The following ENOX1 variants were observed in gnomAD, a reference collection of about 807,000 sequenced individuals.
ENOX1 encodes ecto-NOX disulfide-thiol exchanger 1, also known as candidate growth-related and time keeping constitutive hydroquinone (NADH) oxidase.
In ENOX1, 42 loss-of-function variants were observed where a neutral mutation model predicts 82.5. That is an observed-to-expected ratio of 0.51 (90% CI 0.40 to 0.66). The LOEUF is 0.66. Among genes scored for constraint, ENOX1 ranks in the 30% least tolerant of loss-of-function variants. The pLI is 0.00. For synonymous variants in ENOX1, 271 were observed against 282.2 expected, an observed-to-expected ratio of 0.96 and a Z score of 0.40; for missense variants, 608 against 811.6, an observed-to-expected ratio of 0.75 and a Z score of 3.05.
chr13:43,462,306 A>G (rs1183843281), intron 3 of ENOX1, among the ~76,000 whole-genome samples: 4 of 152,220 alleles, frequency 2.6e-5, no homozygotes, highest in Non-Finnish European at 4.4e-5. Context: ...GTCTTTGCCT[A>G]CGAAAATAGT....
At chr13:43,666,358 C>T (rs960918258) in intron 2 of ENOX1, among the ~76,000 whole-genome samples, 3 of 152,140 alleles carry the variant, frequency 2.0e-5, no homozygotes, top group Non-Finnish European at 4.4e-5. Context: ...ATGAATGTGA[C>T]ATTTTTAGAA....
chr13:43,317,677 A>G lies in ENOX1; in HGVS notation c.1261+4707T>C, dbSNP rs373321025. Among the ~76,000 whole-genome samples the G allele has an allele frequency of 4.6e-5, 7 of 151,446 alleles. No homozygotes were observed. In the East Asian group the frequency reaches 9.6e-4, roughly 21 times the overall value. On this transcript the variant is annotated intron_variant, in intron 11 of 16. Coordinates refer to ENST00000690772, the MANE Select transcript of ENOX1 (RefSeq NM_001347969.2). The stretch of plus-strand genomic sequence containing the variant: ...TTGATTTAGTGGCTGAAAGATTTGG[A>G]AAGTCCTTGTTTGAATTCTTAGTGA...
chr13:43,328,929 T>C (rs1318192803), intron 9 of ENOX1, among the ~76,000 whole-genome samples: 3 of 152,234 alleles, frequency 2.0e-5, no homozygotes, highest in African/African-American at 4.8e-5. Context: ...GATGCAATCA[T>C]AGTCTCGGAA....
chr13:43,224,009 G>T, intron 16 of ENOX1, 44 bp downstream of exon 16: 1 of 1,469,778 alleles, frequency 6.8e-7, no homozygotes, highest in Non-Finnish European at 9.5e-7. Flanking sequence ...CAATCAACAT[G>T]CTAAATTTGA....
At chr13:43,556,418 T>TTAA (rs2079437997) in intron 2 of ENOX1, among the ~76,000 whole-genome samples, 1 of 152,210 alleles carries the variant, frequency 6.6e-6, no homozygotes, top group Admixed American at 6.5e-5. Context: ...CAGCTTTTGC[T>TTAA]TTGCAGTCAT....
intron 2 of ENOX1, among the ~76,000 whole-genome samples, chr13:43,528,325 A>T (rs1482875219): frequency 6.6e-6 from 1 of 152,124 alleles, no homozygotes; most frequent in Admixed American, 6.6e-5. Flanking sequence ...TACCCTTTGT[A>T]TACATAGGAC....
intron 9 of ENOX1, among the ~76,000 whole-genome samples, chr13:43,335,668 A>C (rs1386901937): frequency 6.7e-6 from 1 of 150,194 alleles, no homozygotes; most frequent in Non-Finnish European, 1.5e-5. Context: ...GTAAGACTTG[A>C]TTTCTATCTT....
intron 12 of ENOX1, among the ~76,000 whole-genome samples, chr13:43,279,947 C>T (rs1297904074): frequency 6.6e-6 from 1 of 152,236 alleles, no homozygotes; most frequent in Non-Finnish European, 1.5e-5. Context: ...AAATACCTTG[C>T]TGAAGTAGGA....
chr13:43,333,113 AT>A (rs1219579459), intron 9 of ENOX1, among the ~76,000 whole-genome samples: 2 of 152,214 alleles, frequency 1.3e-5, no homozygotes, highest in Non-Finnish European at 2.9e-5. Flanking sequence ...ATTCATATGT[AT>A]GTTATCAATA....
chr13:43,625,973 A>G (rs1029544466), intron 2 of ENOX1, among the ~76,000 whole-genome samples: 38 of 151,860 alleles, frequency 2.5e-4, no homozygotes, highest in African/African-American at 8.9e-4. Context: ...TAGGGCCTGG[A>G]TATTTCTTTG....
chr13:43,688,641 G>A lies in ENOX1; in HGVS notation c.-284-21097C>T, dbSNP rs111894034. Among the ~76,000 whole-genome samples, 556 of 152,306 alleles carry A rather than the reference G, an allele frequency of 3.7e-3. 4 individuals carry two copies. Among genetic ancestry groups the A allele is most frequent in the African/African-American group, 0.012 (497 of 41,574 alleles). ...CAAATTCGACCCAAGGCTAGGGCAT[G>A]CCAACTCCTGGATTAAATGAGGAGT... is the stretch of plus-strand genomic sequence containing the variant. On this transcript the variant is annotated intron_variant, in intron 1 of 16. Coordinates refer to ENST00000690772, the MANE Select transcript of ENOX1 (RefSeq NM_001347969.2).
intron 4 of ENOX1, among the ~76,000 whole-genome samples, chr13:43,412,313 T>C (rs2054184412): frequency 6.6e-6 from 1 of 152,136 alleles, no homozygotes; most frequent in Non-Finnish European, 1.5e-5. Flanking sequence ...TGGAAAAAAA[T>C]CGAAGAATTG....
intron 1 of ENOX1, among the ~76,000 whole-genome samples, chr13:43,704,568 G>A (rs1025443445): frequency 6.6e-6 from 1 of 152,140 alleles, no homozygotes; most frequent in African/African-American, 2.4e-5. Context: ...TTAGTATGAA[G>A]AGTCAGAGGA....
At chr13:43,605,179 G>C (rs9533548) in intron 2 of ENOX1, among the ~76,000 whole-genome samples, 147,724 of 152,178 alleles carry the variant, frequency 0.97, 71,856 homozygotes, top group East Asian at 1. Context: ...AAAATGGAAA[G>C]ATATTTCATG....
intron 9 of ENOX1, among the ~76,000 whole-genome samples, chr13:43,328,148 G>A (rs770173102): frequency 3.2e-4 from 48 of 152,224 alleles, no homozygotes; most frequent in Non-Finnish European, 6.3e-4. Context: ...GCTGCTCTAA[G>A]TGCTGGCCAT....
At chr13:43,427,539 G>C (rs944706490) in intron 3 of ENOX1, among the ~76,000 whole-genome samples, 1 of 152,168 alleles carries the variant, frequency 6.6e-6, no homozygotes, top group Admixed American at 6.5e-5. Context: ...GGTTTAACTG[G>C]CTCTAAAGAG....
At chr13:43,351,389 T>G (rs1358414709) in intron 8 of ENOX1, among the ~76,000 whole-genome samples, 1 of 146,266 alleles carries the variant, frequency 6.8e-6, no homozygotes, top group East Asian at 2.0e-4. Flanking sequence ...GAGCAAAATA[T>G]TTCTTTTTAT....
rs186402938 is a variant in ENOX1 at position 43,242,043 on chromosome 13, C to T, written c.1612-5305G>A. Reference sequence around the variant, plus strand: ...CTTTAGGGCTGTTTTCTTTCTGTTGCAAAGCTTCTTGAATACATGTTGTCC... The same window carrying T: ...CTTTAGGGCTGTTTTCTTTCTGTTGTAAAGCTTCTTGAATACATGTTGTCC... On this transcript the variant is annotated intron_variant, in intron 14 of 16. Coordinates refer to ENST00000690772, the MANE Select transcript of ENOX1 (RefSeq NM_001347969.2). 6.6e-4 allele frequency among the ~76,000 whole-genome samples: 100 copies of T among 152,272 alleles called. 2 individuals are homozygous for T. The East Asian group carries it at 0.01, about 16-fold the overall frequency.
intron 1 of ENOX1, among the ~76,000 whole-genome samples, chr13:43,724,007 C>G (rs1452898916): frequency 6.6e-6 from 1 of 152,186 alleles, no homozygotes. Flanking sequence ...GAAACCACAT[C>G]ATAAATTATA....
Sources: gnomAD v4.1 joint callset for allele counts (sites outside exome capture counted in the v4.1 genomes callset) on GRCh38, gnomAD v4.1.1 for gene constraint, MANE v1.5 for transcripts, NCBI Gene and HGNC (gene_info 2026-07-23, HGNC 2026-07-21) for gene names.